EPHA6: variants seen among roughly 807,000 people sequenced by gnomAD.
EPHA6 encodes ephrin type-A receptor 6.
Under a neutral mutation model 112.0 loss-of-function variants are expected in EPHA6, and 50 were observed. The ratio of observed to expected loss-of-function variants is 0.45; its 90% CI spans 0.36 to 0.56. The LOEUF is 0.56. Among genes scored for constraint, EPHA6 ranks in the 20% least tolerant of loss-of-function variants. EPHA6 has a pLI of 0.00. For missense variants in EPHA6, 1,280 were observed against 1,417.4 expected (o/e 0.90, Z 1.56); for synonymous variants, 529 against 490.7 (o/e 1.08, Z -1.03).
At chr3:97,693,726 T>A (rs1211114391) in intron 14 of EPHA6, among the ~76,000 whole-genome samples, 1 of 152,134 alleles carries the variant, frequency 6.6e-6, no homozygotes, top group Non-Finnish European at 1.5e-5. Context: ...GAGAATGGCC[T>A]GAACCCGGGA....
At chr3:97,567,678 A>C (rs2093284988) in intron 11 of EPHA6, among the ~76,000 whole-genome samples, 1 of 152,204 alleles carries the variant, frequency 6.6e-6, no homozygotes, top group African/African-American at 2.4e-5. Flanking sequence ...AGATCGAGGC[A>C]GAGATTGGAC....
At chr3:97,688,829 A>C (rs1011116140) in intron 14 of EPHA6, among the ~76,000 whole-genome samples, 1 of 152,150 alleles carries the variant, frequency 6.6e-6, no homozygotes, top group African/African-American at 2.4e-5. Context: ...CTACTTCCAA[A>C]TATAGGAAAG....
chr3:97,555,429 C>A (rs892143938), intron 11 of EPHA6, among the ~76,000 whole-genome samples: 7 of 152,146 alleles, frequency 4.6e-5, no homozygotes, highest in Middle Eastern at 3.4e-3. Flanking sequence ...ATTTATAGTC[C>A]TTTGGGTATA....
chr3:97,454,263 T>G (rs926360807), intron 7 of EPHA6, among the ~76,000 whole-genome samples: 6 of 151,780 alleles, frequency 4.0e-5, no homozygotes, highest in Non-Finnish European at 8.9e-5. Flanking sequence ...CTTTACTAAG[T>G]TGTAAACTCA....
At chr3:97,530,839 C>T (rs1364878049) in intron 10 of EPHA6, among the ~76,000 whole-genome samples, 2 of 151,806 alleles carry the variant, frequency 1.3e-5, no homozygotes, top group African/African-American at 4.8e-5. Flanking sequence ...TTTATTTTGC[C>T]TAAAAAATCT....
chr3:96,890,720 C>T (rs896899404), intron 2 of EPHA6, among the ~76,000 whole-genome samples: 1 of 152,210 alleles, frequency 6.6e-6, no homozygotes, highest in African/African-American at 2.4e-5. Flanking sequence ...AGCTCTCATA[C>T]ACCACTAGTG....
At position 97,520,116 on chromosome 3, in the gene EPHA6, C is replaced by T. The variant is rs373848484; in HGVS notation, c.2201-12242C>T. On this transcript the variant is annotated intron_variant, in intron 10 of 17. Coordinates refer to ENST00000389672, the MANE Select transcript of EPHA6 (RefSeq NM_001080448.3). ...CTGAGTAGCTGGGACTACAGGCACCCGCCACCACGCCCAGCTAATGTTGTG... is the reference window on the plus strand; with the variant it reads ...CTGAGTAGCTGGGACTACAGGCACCTGCCACCACGCCCAGCTAATGTTGTG... Among the ~76,000 whole-genome samples the T allele has an allele frequency of 1.6e-4, 24 of 151,836 alleles. No individual in the cohort carries two copies. The East Asian group carries it at 2.9e-3, about 18-fold the overall frequency.
intron 5 of EPHA6, among the ~76,000 whole-genome samples, chr3:97,404,155 T>C (rs1369907376): frequency 6.6e-6 from 1 of 152,230 alleles, no homozygotes; most frequent in Non-Finnish European, 1.5e-5. Context: ...TTGTGCAGTG[T>C]ATCTCTGAGA....
chr3:97,479,017 G>A (rs2091454041), intron 8 of EPHA6, among the ~76,000 whole-genome samples: 1 of 151,970 alleles, frequency 6.6e-6, no homozygotes, highest in South Asian at 2.1e-4. Flanking sequence ...ACCAACTCTA[G>A]CTATTAGTAG....
chr3:97,684,150 C>G (rs368843025), intron 14 of EPHA6, among the ~76,000 whole-genome samples: 14 of 152,132 alleles, frequency 9.2e-5, no homozygotes, highest in African/African-American at 3.1e-4. Flanking sequence ...ATGGATGCTA[C>G]TTTATATCCA....
intron 1 of EPHA6, among the ~76,000 whole-genome samples, chr3:96,840,271 T>C (rs530230914): frequency 1.3e-5 from 2 of 152,234 alleles, no homozygotes; most frequent in East Asian, 3.9e-4. Flanking sequence ...AATTCTGCCT[T>C]TTGTTGGCAA....
chr3:96,852,230 A>G (rs1020697835), intron 1 of EPHA6, among the ~76,000 whole-genome samples: 2 of 152,062 alleles, frequency 1.3e-5, no homozygotes, highest in Non-Finnish European at 2.9e-5. Flanking sequence ...GCAGTGGCTC[A>G]TGTCTATATT....
chr3:97,172,637 G>A (rs941229373), intron 3 of EPHA6, among the ~76,000 whole-genome samples: 31 of 151,776 alleles, frequency 2.0e-4, no homozygotes, highest in Admixed American at 8.6e-4. Flanking sequence ...TTTAAGTGTC[G>A]CTTCTGGCCC....
chr3:97,046,776 T>C (rs2856477), intron 3 of EPHA6, among the ~76,000 whole-genome samples: 7,316 of 152,080 alleles, frequency 0.048, 212 homozygotes, highest in Middle Eastern at 0.11. Context: ...TTAAAAAGCA[T>C]AGGGGCCTAG....
chr3:97,194,836 CAT>C (rs1415292473), intron 3 of EPHA6, among the ~76,000 whole-genome samples: 1 of 151,950 alleles, frequency 6.6e-6, no homozygotes, highest in Admixed American at 6.6e-5. Context: ...TTGTTCTTTT[CAT>C]AGCCTTTGTT....
intron 3 of EPHA6, among the ~76,000 whole-genome samples, chr3:97,145,743 GT>G (rs2076028138): frequency 6.6e-6 from 1 of 151,460 alleles, no homozygotes; most frequent in Admixed American, 6.6e-5. Flanking sequence ...TAAATATGAA[GT>G]TTTTTTACTA....
At chr3:97,450,594 G>A (rs1032939304) in intron 7 of EPHA6, among the ~76,000 whole-genome samples, 1 of 151,806 alleles carries the variant, frequency 6.6e-6, no homozygotes, top group Non-Finnish European at 1.5e-5. Context: ...AGTTTGATTT[G>A]GTTTTAACAT....
chr3:97,647,469 T>C (rs1227075806), intron 14 of EPHA6, among the ~76,000 whole-genome samples: 5 of 152,094 alleles, frequency 3.3e-5, no homozygotes, highest in African/African-American at 1.2e-4. Context: ...CCAAGAAATG[T>C]GTATTGTGGG....
At chr3:97,277,510 CAG>C (rs1386046328) in intron 5 of EPHA6, among the ~76,000 whole-genome samples, 1 of 152,118 alleles carries the variant, frequency 6.6e-6, no homozygotes, top group East Asian at 1.9e-4. Context: ...CGTGCAGTCA[CAG>C]GGGATATGAT....
Sources: gnomAD v4.1 joint callset for allele counts (sites outside exome capture counted in the v4.1 genomes callset) on GRCh38, gnomAD v4.1.1 for gene constraint, MANE v1.5 for transcripts, NCBI Gene and HGNC (gene_info 2026-07-23, HGNC 2026-07-21) for gene names.